COL24A1: variants seen among roughly 807,000 people sequenced by gnomAD.
COL24A1 encodes collagen alpha-1(XXIV) chain.
COL24A1 carries 224 observed loss-of-function variants against 253.9 expected under a neutral mutation model. That is an observed-to-expected ratio of 0.88 (90% CI 0.79 to 0.99). The LOEUF (loss-of-function observed/expected upper bound fraction) is 0.99, where lower values mean the gene tolerates loss of function less well. Ranked by LOEUF, COL24A1 falls within the 50% of genes least tolerant of loss-of-function variation. COL24A1 has a pLI of 0.00. For missense variants in COL24A1, 2,131 were observed against 2,068.5 expected (o/e 1.03, Z -0.59); for synonymous variants, 685 against 673.7 (o/e 1.02, Z -0.26).
intron 2 of COL24A1, among the ~76,000 whole-genome samples, chr1:86,134,444 A>G (rs12122598): frequency 0.96 from 141,373 of 147,008 alleles, 68,149 homozygotes; most frequent in Non-Finnish European, 1. Flanking sequence ...TGAAGTTAGG[A>G]TGTCAATTTT....
intron 32 of COL24A1, among the ~76,000 whole-genome samples, chr1:85,884,693 A>C (rs761470847): frequency 6.6e-6 from 1 of 152,198 alleles, no homozygotes; most frequent in Non-Finnish European, 1.5e-5. Flanking sequence ...TTCCTTTCCC[A>C]AAGGTCAGTT....
intron 3 of COL24A1, among the ~76,000 whole-genome samples, chr1:86,120,623 A>T (rs1434630101): frequency 2.0e-5 from 3 of 152,238 alleles, no homozygotes; most frequent in Non-Finnish European, 4.4e-5. Context: ...AATGGCGATC[A>T]TTAAAAAGTC....
chr1:85,910,607 CA>C (rs1211971961), intron 25 of COL24A1, among the ~76,000 whole-genome samples: 3 of 151,734 alleles, frequency 2.0e-5, no homozygotes, highest in African/African-American at 7.3e-5. Flanking sequence ...AATTATAATG[CA>C]AAATTTTTTA....
At chr1:86,033,789 TGATAATAA>T (rs1698779166) in intron 13 of COL24A1, 73 bp downstream of exon 13, 2 of 1,205,070 alleles carry the variant, frequency 1.7e-6, no homozygotes, top group Admixed American at 4.5e-5. Context: ...TTCACAAATA[TGATAATAA>T]GGACTGTAAG....
intron 20 of COL24A1, among the ~76,000 whole-genome samples, chr1:85,975,926 T>C (rs1237247217): frequency 2.0e-5 from 3 of 152,052 alleles, no homozygotes; most frequent in Non-Finnish European, 4.4e-5. Context: ...AACATAAAAG[T>C]AGAAGCAGCA....
At chr1:85,998,625 C>T (rs1199122715) in intron 19 of COL24A1, among the ~76,000 whole-genome samples, 1 of 152,170 alleles carries the variant, frequency 6.6e-6, no homozygotes, top group Non-Finnish European at 1.5e-5. Context: ...GAGGTATTGA[C>T]TTTGCATTAT....
intron 55 of COL24A1, among the ~76,000 whole-genome samples, chr1:85,757,569 G>A (rs553643133): frequency 2.5e-5 from 3 of 121,550 alleles, no homozygotes; most frequent in South Asian, 3.2e-4. Flanking sequence ...CAATAAAAAG[G>A]CATTTTTTTT....
chr1:85,782,823 AT>A lies in COL24A1; in HGVS notation c.4284+672del, dbSNP rs547363192. On this transcript the variant is annotated intron_variant, in intron 51 of 59. Coordinates refer to ENST00000370571, the MANE Select transcript of COL24A1 (RefSeq NM_152890.7). Reference sequence around the variant, plus strand: ...GCCAAACCATTACTTGAAGTTTTAAATTTTTTTTCAGCTTTTTTTCAGTTTT... The same window carrying A: ...GCCAAACCATTACTTGAAGTTTTAAATTTTTTTCAGCTTTTTTTCAGTTTT... 8.4e-4 allele frequency among the ~76,000 whole-genome samples: 128 copies of A among 152,102 alleles called. 4 individuals are homozygous for A. In the South Asian group the frequency reaches 0.023, roughly 27 times the overall value.
chr1:85,896,747 C>G (rs535528303), intron 28 of COL24A1, among the ~76,000 whole-genome samples: 2 of 152,192 alleles, frequency 1.3e-5, no homozygotes. Flanking sequence ...ATCCACCCGC[C>G]TCGGCCTCCC....
intron 37 of COL24A1, among the ~76,000 whole-genome samples, chr1:85,863,133 A>G (rs1056590827): frequency 6.6e-6 from 1 of 152,206 alleles, no homozygotes; most frequent in African/African-American, 2.4e-5. Context: ...TTATTGGTGC[A>G]TAAGAATGCT....
intron 7 of COL24A1, among the ~76,000 whole-genome samples, chr1:86,084,707 C>T (rs1272639866): frequency 6.6e-6 from 1 of 152,160 alleles, no homozygotes; most frequent in Non-Finnish European, 1.5e-5. Flanking sequence ...GAATTTCAAT[C>T]ATATGAGCCA....
At chr1:85,859,142 C>A (rs1678850006) in intron 37 of COL24A1, among the ~76,000 whole-genome samples, 1 of 152,118 alleles carries the variant, frequency 6.6e-6, no homozygotes, top group African/African-American at 2.4e-5. Context: ...CAGCATGAAC[C>A]TTGTCTGTTT....
intron 19 of COL24A1, among the ~76,000 whole-genome samples, chr1:85,990,356 G>A (rs560026597): frequency 6.6e-6 from 1 of 152,170 alleles, no homozygotes; most frequent in Non-Finnish European, 1.5e-5. Flanking sequence ...CGGCATGGAG[G>A]ATAGTTTCGG....
At position 86,039,616 on chromosome 1, in the gene COL24A1, TAGA is replaced by T. The variant is rs554692234; in HGVS notation, c.1951-5696_1951-5694del. ...AAGTAGAAATGAATAAAAATTATCA[TAGA>T]AGGTTATATACTAAACAAGCATTAA... is the stretch of plus-strand genomic sequence containing the variant. On this transcript the variant is annotated intron_variant, in intron 12 of 59. Transcript: ENST00000370571. 7.9e-5 allele frequency among the ~76,000 whole-genome samples: 12 copies of T among 152,258 alleles called. No individual in the cohort carries two copies. The South Asian group carries it at 1.5e-3, about 18-fold the overall frequency.
chr1:85,807,375 T>C (rs1255337191), intron 47 of COL24A1, among the ~76,000 whole-genome samples: 1 of 152,212 alleles, frequency 6.6e-6, no homozygotes, highest in Non-Finnish European at 1.5e-5. Context: ...AAATAGGTTC[T>C]CTGATATAAA....
rs781212512 is a variant in COL24A1 at position 86,089,242 on chromosome 1, C to T, written c.1654-15G>A. On this transcript the variant is annotated splice_polypyrimidine_tract_variant and intron_variant, in intron 6 of 59. Coordinates refer to ENST00000370571, the MANE Select transcript of COL24A1 (RefSeq NM_152890.7). ...CCTTGATCACCCTATAAACAAAATACAGACGTTTAATGTCATGAAAGAGAA... is the reference window on the plus strand; with the variant it reads ...CCTTGATCACCCTATAAACAAAATATAGACGTTTAATGTCATGAAAGAGAA... 2 of 1,567,530 alleles carry T rather than the reference C, an allele frequency of 1.3e-6. No individual in the cohort carries two copies. Among genetic ancestry groups the T allele is most frequent in the South Asian group, 1.2e-5 (1 of 82,964 alleles).
chr1:85,763,950 T>C (rs187146810), intron 53 of COL24A1, among the ~76,000 whole-genome samples: 1 of 152,378 alleles, frequency 6.6e-6, no homozygotes. Flanking sequence ...ATTTTATCAG[T>C]ATACTTTAAA....
chr1:85,855,720 T>A (rs1029916781), intron 37 of COL24A1, among the ~76,000 whole-genome samples: 1 of 152,200 alleles, frequency 6.6e-6, no homozygotes, highest in Non-Finnish European at 1.5e-5. Context: ...ATGCAATGAA[T>A]AAGGGAGGAA....
In COL24A1 at chr1:86,125,932, A is replaced by G; in HGVS notation, c.404T>C (p.Val135Ala). The change falls in exon 3 of 60, where the codon GTA (valine) becomes GCA (alanine). Residue 135 changes from valine to alanine, a missense_variant. Coordinates refer to ENST00000370571, the MANE Select transcript of COL24A1 (RefSeq NM_152890.7). ...TACTAATTTTTTAGGTAGTAATTGT[A>G]CTCCTAATTGCAGTCTATTTTTATT... is the stretch of plus-strand genomic sequence containing the variant. ...IRNKNRLQLG[V>A]QLLPKKLVVH... The G allele has an allele frequency of 6.2e-7, 1 of 1,613,262 alleles. No homozygotes were observed. Among genetic ancestry groups the G allele is most frequent in the Non-Finnish European group, 8.5e-7 (1 of 1,179,690 alleles).
Sources: allele counts gnomAD v4.1 joint callset (sites outside exome capture counted in the v4.1 genomes callset), GRCh38; gene constraint gnomAD v4.1.1; transcripts MANE v1.5; gene names NCBI Gene and HGNC (gene_info 2026-07-23, HGNC 2026-07-21).